Variants in RASA2 observed in about 807,000 individuals in gnomAD.
RASA2 encodes the protein RAS p21 protein activator 2.
A neutral mutation model predicts 118.2 loss-of-function variants in RASA2; 155 were observed. The observed-to-expected ratio is 1.31, with a 90% confidence interval of 1.15 to 1.50. RASA2 has a LOEUF of 1.50. Among genes scored for constraint, RASA2 ranks in the 40% most tolerant of loss-of-function variants. RASA2 has a pLI of 0.00. For missense variants in RASA2, 1,016 were observed against 1,009.6 expected, an observed-to-expected ratio of 1.01 and a Z score of -0.09; for synonymous variants, 353 against 349.1, an observed-to-expected ratio of 1.01 and a Z score of -0.12.
chr3:141,555,763 C>T (rs1283924861), intron 6 of RASA2, 77 bp from the exon 7 acceptor site: 2 of 1,244,982 alleles, frequency 1.6e-6, no homozygotes, highest in Middle Eastern at 2.2e-4. Flanking sequence ...AGGTCAGGCT[C>T]CCTGGTTGGA....
chr3:141,593,052 AGATT>A (rs1202775322), intron 19 of RASA2, among the ~76,000 whole-genome samples: 3 of 152,084 alleles, frequency 2.0e-5, no homozygotes, highest in South Asian at 2.1e-4. Flanking sequence ...ATGCTGGCTA[AGATT>A]GATTGATTGA....
At chr3:141,538,722 G>C (rs1390650992) in intron 4 of RASA2, among the ~76,000 whole-genome samples, 2 of 151,994 alleles carry the variant, frequency 1.3e-5, no homozygotes, top group Non-Finnish European at 2.9e-5. Context: ...TTCTTGACCT[G>C]GTTAATATAT....
intron 3 of RASA2, among the ~76,000 whole-genome samples, chr3:141,520,769 G>A (rs554362404): frequency 2.9e-4 from 44 of 152,084 alleles, no homozygotes; most frequent in South Asian, 1.0e-3. Flanking sequence ...TATATACATC[G>A]AGTTTGTAGT....
At chr3:141,532,773 C>A (rs377750064) in intron 4 of RASA2, among the ~76,000 whole-genome samples, 1 of 152,074 alleles carries the variant, frequency 6.6e-6, no homozygotes, top group Non-Finnish European at 1.5e-5. Flanking sequence ...AGACCTCCCC[C>A]CTGCCCTGAC....
intron 17 of RASA2, among the ~76,000 whole-genome samples, chr3:141,582,639 G>T (rs1049601048): frequency 6.6e-6 from 1 of 152,052 alleles, no homozygotes; most frequent in Non-Finnish European, 1.5e-5. Context: ...ATGGACTATC[G>T]CCATAGTGTG....
intron 1 of RASA2, among the ~76,000 whole-genome samples, chr3:141,496,352 A>C (rs1361814736): frequency 6.6e-6 from 1 of 151,958 alleles, no homozygotes; most frequent in Non-Finnish European, 1.5e-5. Flanking sequence ...TCTGCACAGC[A>C]AAAAAAACTA....
intron 19 of RASA2, among the ~76,000 whole-genome samples, chr3:141,590,587 T>C (rs1301313534): frequency 6.6e-6 from 1 of 152,242 alleles, no homozygotes; most frequent in African/African-American, 2.4e-5. Context: ...GTTGAGCAAA[T>C]GTTTTGCTTA....
intron 5 of RASA2, among the ~76,000 whole-genome samples, chr3:141,547,611 G>T (rs2082504922): frequency 6.6e-6 from 1 of 151,992 alleles, no homozygotes; most frequent in South Asian, 2.1e-4. Flanking sequence ...GAGTCTTTAG[G>T]TTTTTTCCAA....
chr3:141,515,339 T>A (rs953735504), intron 2 of RASA2, among the ~76,000 whole-genome samples: 6 of 152,176 alleles, frequency 3.9e-5, no homozygotes, highest in African/African-American at 1.4e-4. Flanking sequence ...TACACATTTC[T>A]AAGACAAGGA....
chr3:141,588,120 C>T (rs1204272157), intron 19 of RASA2, among the ~76,000 whole-genome samples: 2 of 152,154 alleles, frequency 1.3e-5, no homozygotes, highest in African/African-American at 4.8e-5. Flanking sequence ...ACAAAATCCT[C>T]TTAGATTTTC....
At chr3:141,594,069 A>G (rs1427621650) in intron 19 of RASA2, among the ~76,000 whole-genome samples, 1 of 152,224 alleles carries the variant, frequency 6.6e-6, no homozygotes, top group African/African-American at 2.4e-5. Context: ...AGTAGTCATC[A>G]TGAGTAAAGA....
At chr3:141,526,345 T>TGA (rs2082184464) in intron 3 of RASA2, among the ~76,000 whole-genome samples, 1 of 152,030 alleles carries the variant, frequency 6.6e-6, no homozygotes, top group Admixed American at 6.6e-5. Flanking sequence ...CTTTTTTTTT[T>TGA]ATTCTATTTG....
At chr3:141,507,729 C>T (rs2081890625) in intron 1 of RASA2, among the ~76,000 whole-genome samples, 1 of 152,184 alleles carries the variant, frequency 6.6e-6, no homozygotes, top group African/African-American at 2.4e-5. Context: ...TCAACAAATA[C>T]TGCTGTGAAC....
intron 21 of RASA2, 78 bp downstream of exon 21, chr3:141,608,775 A>G: frequency 2.1e-6 from 3 of 1,439,308 alleles, no homozygotes; most frequent in Non-Finnish European, 2.9e-6. Flanking sequence ...TTTGTCCATG[A>G]AAAGGAATGA....
intron 19 of RASA2, among the ~76,000 whole-genome samples, chr3:141,595,230 A>G (rs12487428): frequency 6.6e-6 from 1 of 152,248 alleles, no homozygotes. Flanking sequence ...GAAAACGTAT[A>G]ACAAAATGAT....
At chr3:141,503,109 TA>T (rs1383153123) in intron 1 of RASA2, among the ~76,000 whole-genome samples, 1 of 152,132 alleles carries the variant, frequency 6.6e-6, no homozygotes, top group Non-Finnish European at 1.5e-5. Context: ...TTTGAGAAAA[TA>T]TTTAACACTG....
intron 19 of RASA2, among the ~76,000 whole-genome samples, chr3:141,597,605 A>C (rs905073616): frequency 2.0e-4 from 31 of 152,214 alleles, no homozygotes; most frequent in African/African-American, 7.5e-4. Context: ...ATGAATTGAT[A>C]TGTCAAATAG....
chr3:141,562,331 A>G (rs2082742230), intron 9 of RASA2, among the ~76,000 whole-genome samples: 3 of 151,404 alleles, frequency 2.0e-5, no homozygotes, highest in South Asian at 4.2e-4. Flanking sequence ...AAAAAAAAAA[A>G]AAAAGAAATA....
At chr3:141,528,332 A>G (rs994129734) in intron 3 of RASA2, among the ~76,000 whole-genome samples, 1 of 151,994 alleles carries the variant, frequency 6.6e-6, no homozygotes, top group Non-Finnish European at 1.5e-5. Context: ...TTTTATTGAG[A>G]TGTAATTCAC....
Sources: gnomAD v4.1 joint callset for allele counts (sites outside exome capture counted in the v4.1 genomes callset) on GRCh38, gnomAD v4.1.1 for gene constraint, MANE v1.5 for transcripts, NCBI Gene and HGNC (gene_info 2026-07-23, HGNC 2026-07-21) for gene names.